The following PCDHGA8 variants were observed in gnomAD, a reference collection of about 807,000 sequenced individuals.
PCDHGA8 encodes protocadherin gamma-A8.
A neutral mutation model predicts 59.2 loss-of-function variants in PCDHGA8; 45 were observed. That is an observed-to-expected ratio of 0.76 (90% CI 0.60 to 0.98). The LOEUF (loss-of-function observed/expected upper bound fraction) is 0.98, where lower values mean the gene tolerates loss of function less well. Among genes scored for constraint, PCDHGA8 ranks in the 50% least tolerant of loss-of-function variants. The pLI is 0.00. For missense variants in PCDHGA8, 1,257 were observed against 1,196.2 expected (o/e 1.05, Z -0.75); for synonymous variants, 531 against 519.0 (o/e 1.02, Z -0.32).
chr5:141,476,801 C>A lies in PCDHGA8; in HGVS notation c.2425-18006C>A, dbSNP rs752954707. The A allele has an allele frequency of 5.8e-5, 94 of 1,613,468 alleles. No homozygotes were observed. The highest frequency in any genetic ancestry group is 7.9e-5 in the Non-Finnish European group (93 of 1,180,028). The stretch of plus-strand genomic sequence containing the variant: ...GACCCCAGCTCTCTCCGCCAGCCTG[C>A]CTATTCACATCAAGGTGCTGGACGC... On this transcript the variant is annotated intron_variant, in intron 1 of 3. Transcript: ENST00000398604. This position sits in a 1 kb window ranked among gnomAD's most constrained non-coding sequence, Gnocchi z 7.6.
chr5:141,444,237 T>G (rs1315900009), intron 1 of PCDHGA8, among the ~76,000 whole-genome samples: 1 of 137,132 alleles, frequency 7.3e-6, no homozygotes, highest in Admixed American at 8.0e-5. Flanking sequence ...AATGGCATGC[T>G]CTCGGCTCAC....
intron 1 of PCDHGA8, chr5:141,399,349 C>G: frequency 6.2e-7 from 1 of 1,613,932 alleles, no homozygotes; most frequent in Non-Finnish European, 8.5e-7. Context: ...AACCCTAGAC[C>G]GAGAGCAAAC....
chr5:141,420,438 GC>G, intron 1 of PCDHGA8: 1 of 1,107,996 alleles, frequency 9.0e-7, no homozygotes, highest in Non-Finnish European at 1.2e-6. Flanking sequence ...TAAATTAAAT[GC>G]CTCAGTCTTC....
chr5:141,485,625 G>C lies in PCDHGA8; in HGVS notation c.2425-9182G>C. On this transcript the variant is annotated intron_variant, in intron 1 of 3. Transcript: ENST00000398604. This position sits in a 1 kb window ranked among gnomAD's most constrained non-coding sequence, Gnocchi z 5.7. ...GGGGAGGCAGCTCCTCCAGGACAGC[G>C]TTTCCCGTTGGAAAAGGCTCAGGAT... The C allele has an allele frequency of 6.2e-7, 1 of 1,611,968 alleles. No individual in the cohort carries two copies. Among genetic ancestry groups the C allele is most frequent in the Non-Finnish European group, 8.5e-7 (1 of 1,178,504 alleles).
Position 141,394,783 on chromosome 5 carries a change from C to A in PCDHGA8, c.1970C>A (p.Thr657Asn). 4.3e-6 allele frequency: 7 copies of A among 1,613,732 alleles called. No individual in the cohort carries two copies. The highest frequency in any genetic ancestry group is 5.9e-6 in the Non-Finnish European group (7 of 1,180,006). ...CATGGCCAGCCCCCTCTCTCCGCCA[C>A]TGTCACGCTCACCGTAGCCGTGGCT... ...QDHGQPPLSA[T>N]VTLTVAVADS... The change falls in exon 1 of 4, where the codon ACT (threonine) becomes AAT (asparagine). Residue 657 changes from threonine to asparagine, a missense_variant. Thr to Asn is a moderately conservative substitution (Grantham distance 65). Transcript: ENST00000398604.
chr5:141,473,616 G>A (rs1049605139), intron 1 of PCDHGA8, among the ~76,000 whole-genome samples: 5 of 152,118 alleles, frequency 3.3e-5, no homozygotes, highest in African/African-American at 1.2e-4. Flanking sequence ...GCAAAGGGAG[G>A]GAGGAAAAAG....
intron 2 of PCDHGA8, among the ~76,000 whole-genome samples, chr5:141,497,478 C>T (rs974494984): frequency 6.0e-5 from 9 of 150,954 alleles, no homozygotes; most frequent in South Asian, 4.2e-4. Context: ...GGAGAAGGTG[C>T]GGAACCTCTC....
rs769377200 is a variant in PCDHGA8, at chr5:141,392,956, T to A, written c.143T>A (p.Ile48Asn). ...GACAAAGGCTCCTTCGTGGGTAATA[T>A]CTCCAAGGACCTGGGGCTGGACCCC... ...ETDKGSFVGN[I>N]SKDLGLDPRK... The change falls in exon 1 of 4, where the codon ATC (isoleucine) becomes AAC (asparagine). Residue 48 changes from isoleucine (I) to asparagine (N), a missense_variant. Coordinates refer to ENST00000398604, the MANE Select transcript of PCDHGA8 (RefSeq NM_032088.2). 1.9e-6 allele frequency: 3 copies of A among 1,613,820 alleles called. No homozygotes were observed. Among genetic ancestry groups the A allele is most frequent in the South Asian group, 1.1e-5 (1 of 91,076 alleles).
Position 141,486,572 on chromosome 5 carries a change from A to G in PCDHGA8, c.2425-8235A>G. 1 of 1,613,876 alleles carries G rather than the reference A, an allele frequency of 6.2e-7. No individual in the cohort carries two copies. Among genetic ancestry groups the G allele is most frequent in the Non-Finnish European group, 8.5e-7 (1 of 1,180,002 alleles). ...GTCACATGAGGTGTTTGTTCCTGAG[A>G]ACAATCGCCCAGGGGACCTGCTTTG... is the stretch of plus-strand genomic sequence containing the variant. On this transcript the variant is annotated intron_variant, in intron 1 of 3. Coordinates refer to ENST00000398604, the MANE Select transcript of PCDHGA8 (RefSeq NM_032088.2). This position sits in a 1 kb window ranked among gnomAD's most constrained non-coding sequence, Gnocchi z 5.0.
At chr5:141,395,495 T>A (rs182989344) in intron 1 of PCDHGA8, 1 of 498,616 alleles carries the variant, frequency 2.0e-6, no homozygotes, top group East Asian at 3.5e-5. Context: ...TATCACTCAT[T>A]CACTTAAGAA....
At chr5:141,418,646 A>C (rs986717136) in intron 1 of PCDHGA8, 2 of 1,614,010 alleles carry the variant, frequency 1.2e-6, no homozygotes, top group Admixed American at 3.3e-5. Context: ...CTCCATCCTG[A>C]GAGTGAAGGC....
At chr5:141,507,809 C>G (rs866898784) in intron 3 of PCDHGA8, among the ~76,000 whole-genome samples, 1 of 152,206 alleles carries the variant, frequency 6.6e-6, no homozygotes, top group Non-Finnish European at 1.5e-5. Context: ...CCCTGGGGAA[C>G]GGACCCTGGG....
chr5:141,394,454 A>G lies in PCDHGA8; in HGVS notation c.1641A>G (p.Ser547=), dbSNP rs1394596470. Residue 547 remains serine (S), a synonymous_variant, in exon 1 of 4, where the codon TCA becomes TCG. Coordinates refer to ENST00000398604, the MANE Select transcript of PCDHGA8 (RefSeq NM_032088.2). The part of the protein sequence containing the change: ...SGDPPLSSNM[S]LSLFVLDQND... ...ACCCGCCCCTCAGCAGCAACATGTC[A>G]CTGAGCCTGTTCGTGCTGGACCAGA... The G allele has an allele frequency of 1.2e-6, 2 of 1,614,212 alleles. No homozygotes were observed. The highest frequency in any genetic ancestry group is 1.7e-5 in the Admixed American group (1 of 60,028).
At chr5:141,421,192 C>G (rs758345796) in intron 1 of PCDHGA8, 22 of 1,491,716 alleles carry the variant, frequency 1.5e-5, no homozygotes, top group Non-Finnish European at 1.9e-5. Flanking sequence ...AACCAACCAG[C>G]TCGAGAAACC....
intron 3 of PCDHGA8, among the ~76,000 whole-genome samples, chr5:141,508,742 C>A (rs955179947): frequency 2.0e-5 from 3 of 151,998 alleles, no homozygotes; most frequent in Admixed American, 6.6e-5. Context: ...CCCCCCACCC[C>A]GCTCTTTCTC....
rs766092387 is a variant in PCDHGA8 at position 141,491,171 on chromosome 5, T to C, written c.2425-3636T>C. 7.4e-6 allele frequency: 12 copies of C among 1,613,968 alleles called. No individual in the cohort carries two copies. The highest frequency in any genetic ancestry group is 1.3e-5 in the African/African-American group (1 of 74,904). On this transcript the variant is annotated intron_variant, in intron 1 of 3. Coordinates refer to ENST00000398604, the MANE Select transcript of PCDHGA8 (RefSeq NM_032088.2). The surrounding 1 kb of genome is among the most constrained non-coding windows in gnomAD (Gnocchi z 6.9). The stretch of plus-strand genomic sequence containing the variant: ...GAGGATGACTCTGACACCCAGCAGG[T>C]GGTGGTCCTGGTGAGGGACAATGGT...
Position 141,394,950 on chromosome 5 carries a change from G to C in PCDHGA8, c.2137G>C (p.Gly713Arg). The change falls in exon 1 of 4, where the codon GGG becomes CGG. Residue 713 changes from glycine (G) to arginine (R), a missense_variant. Coordinates refer to ENST00000398604, the MANE Select transcript of PCDHGA8 (RefSeq NM_032088.2). ...VFLAFVAVLL[G>R]LRLRRWHKSR... ...CCTCGCCTTTGTCGCTGTGCTTCTGGGGCTCAGGCTGAGGCGCTGGCACAA... is the reference window on the plus strand; with the variant it reads ...CCTCGCCTTTGTCGCTGTGCTTCTGCGGCTCAGGCTGAGGCGCTGGCACAA... 1 of 1,613,848 alleles carries C rather than the reference G, an allele frequency of 6.2e-7. No homozygotes were observed. The highest frequency in any genetic ancestry group is 8.5e-7 in the Non-Finnish European group (1 of 1,179,870).
rs1054594374 is a variant in PCDHGA8 at position 141,489,607 on chromosome 5, A to G, written c.2425-5200A>G. On this transcript the variant is annotated intron_variant, in intron 1 of 3. Coordinates refer to ENST00000398604, the MANE Select transcript of PCDHGA8 (RefSeq NM_032088.2). This position sits in a 1 kb window ranked among gnomAD's most constrained non-coding sequence, Gnocchi z 4.5. ...GGAGCTAATCCGTGTAGAGGTAGAG[A>G]TCCTGGATCTCAATGACAACTCTCC... The G allele has an allele frequency of 6.2e-6, 10 of 1,613,850 alleles. No homozygotes were observed. The highest frequency in any genetic ancestry group is 8.5e-6 in the Non-Finnish European group (10 of 1,179,956).
At chr5:141,405,499 A>C in intron 1 of PCDHGA8, 9 of 782,122 alleles carry the variant, frequency 1.2e-5, no homozygotes, top group Non-Finnish European at 1.8e-5. Context: ...GGCTCATTGC[A>C]ACCTCCGCCT....
Sources: allele counts gnomAD v4.1 joint callset (sites outside exome capture counted in the v4.1 genomes callset), GRCh38; gene constraint gnomAD v4.1.1; non-coding constraint Gnocchi (gnomAD v3.1); transcripts MANE v1.5; gene names NCBI Gene and HGNC (gene_info 2026-07-23, HGNC 2026-07-21).